Variants in GXYLT2 observed in about 807,000 individuals in gnomAD.
GXYLT2 encodes glucoside xylosyltransferase 2, also known as glycosyltransferase 8 domain containing 4.
GXYLT2 carries 53 observed loss-of-function variants against 45.8 expected under a neutral mutation model. The observed-to-expected ratio is 1.16, with a 90% CI of 0.93 to 1.46. The LOEUF is 1.46. GXYLT2 is among the 40% of genes most tolerant of loss of function. The pLI is 0.00. For missense variants in GXYLT2, 551 were observed against 544.4 expected, an observed-to-expected ratio of 1.01 and a Z score of -0.12; for synonymous variants, 219 against 214.2, an observed-to-expected ratio of 1.02 and a Z score of -0.19.
At chr3:72,894,685 C>G (rs578161593) in intron 1 of GXYLT2, among the ~76,000 whole-genome samples, 1 of 152,216 alleles carries the variant, frequency 6.6e-6, no homozygotes, top group Non-Finnish European at 1.5e-5. Context: ...CGTCCTGCCC[C>G]GTGGAACACG....
At chr3:72,894,188 A>G (rs757610011) in intron 1 of GXYLT2, among the ~76,000 whole-genome samples, 11 of 152,258 alleles carry the variant, frequency 7.2e-5, no homozygotes. Context: ...AAGAAAATAC[A>G]GGTCCTTGAG....
chr3:72,974,483 AAGTG>A (rs1242344125), intron 6 of GXYLT2, among the ~76,000 whole-genome samples: 2 of 152,230 alleles, frequency 1.3e-5, no homozygotes, highest in Non-Finnish European at 2.9e-5. Context: ...AGTAGATTTC[AAGTG>A]AGTATCTTGA....
intron 1 of GXYLT2, among the ~76,000 whole-genome samples, chr3:72,902,592 T>A (rs1709428782): frequency 6.6e-6 from 1 of 152,194 alleles, no homozygotes; most frequent in African/African-American, 2.4e-5. Flanking sequence ...ATCCCAATAC[T>A]TTGATAGGCC....
chr3:72,902,669 A>AAAAT (rs376401019), intron 1 of GXYLT2, among the ~76,000 whole-genome samples: 30 of 152,002 alleles, frequency 2.0e-4, no homozygotes, highest in South Asian at 4.1e-4. Context: ...CATCTCTACC[A>AAAAT]AAATAAATAA....
intron 5 of GXYLT2, among the ~76,000 whole-genome samples, chr3:72,965,808 G>A (rs1189366525): frequency 6.6e-6 from 1 of 152,132 alleles, no homozygotes; most frequent in East Asian, 1.9e-4. Flanking sequence ...GTAGGGAGGG[G>A]GCAAAATTGC....
chr3:72,927,547 T>C (rs2107108143), intron 3 of GXYLT2, among the ~76,000 whole-genome samples: 1 of 152,264 alleles, frequency 6.6e-6, no homozygotes, highest in South Asian at 2.1e-4. Context: ...ATAATTAAGG[T>C]CAGACCTCTA....
At chr3:72,891,421 A>G (rs1386365470) in intron 1 of GXYLT2, among the ~76,000 whole-genome samples, 1 of 152,190 alleles carries the variant, frequency 6.6e-6, no homozygotes, top group Non-Finnish European at 1.5e-5. Context: ...AGAAGTTTCC[A>G]AGGATTTGCC....
At position 72,976,264 on chromosome 3, in the gene GXYLT2, T is replaced by A. The variant is rs1179221816; in HGVS notation, c.*1105T>A. 6.6e-6 allele frequency: 1 copy of A among 152,164 alleles called. No homozygotes were observed. The highest frequency in any genetic ancestry group is 1.5e-5 in the Non-Finnish European group (1 of 68,022). The allele number at this position is 152,164 out of a possible 1,614,324, so 9.4% of individuals were successfully genotyped here. A position where few individuals can be genotyped will look rare whatever the true frequency, so the allele number is the denominator to read the frequency against. ...GAGTATTTCTAAAGAAAAAAATTAC[T>A]TTGATTTGTGGAGGACTAAATCATA... On this transcript the variant is annotated 3_prime_UTR_variant, in exon 7 of 7. Coordinates refer to ENST00000389617, the MANE Select transcript of GXYLT2 (RefSeq NM_001080393.2).
chr3:72,902,723 ATG>A (rs1272352011), intron 1 of GXYLT2, among the ~76,000 whole-genome samples: 957 of 81,872 alleles, frequency 0.012, 6 homozygotes, highest in Non-Finnish European at 0.019. Context: ...GCGGTGGCTC[ATG>A]CCTGTACTTC....
Position 72,955,406 on chromosome 3 carries a change from G to C in GXYLT2, c.852+57G>C, listed in dbSNP as rs1038668659. On this transcript the variant is annotated intron_variant, in intron 4 of 6. Transcript: ENST00000389617. ...AGACTGGGAGTTGGTCTTGTCAACAGTGGCACTACCAGAGTGTCAATATGC... is the reference window on the plus strand; with the variant it reads ...AGACTGGGAGTTGGTCTTGTCAACACTGGCACTACCAGAGTGTCAATATGC... 6 of 1,570,018 alleles carry C rather than the reference G, an allele frequency of 3.8e-6. No homozygotes were observed. The African/African-American group carries it at 5.4e-5, about 14-fold the overall frequency.
intron 5 of GXYLT2, among the ~76,000 whole-genome samples, chr3:72,963,003 G>T (rs138354190): frequency 6.6e-6 from 1 of 151,600 alleles, no homozygotes; most frequent in Non-Finnish European, 1.5e-5. Context: ...AACAGCCTCC[G>T]TTCTATTGAT....
intron 3 of GXYLT2, among the ~76,000 whole-genome samples, chr3:72,936,328 A>C (rs998934705): frequency 6.6e-6 from 1 of 151,096 alleles, no homozygotes. Flanking sequence ...AAAAGAAGAG[A>C]AAATCAGGAA....
intron 3 of GXYLT2, chr3:72,929,365 G>GA (rs35196603): frequency 1.2e-3 from 1,267 of 1,033,922 alleles, no homozygotes; most frequent in Non-Finnish European, 1.7e-3. Context: ...TACATTTGGG[G>GA]AAAAAAAAAT....
intron 2 of GXYLT2, among the ~76,000 whole-genome samples, chr3:72,921,421 C>G (rs1159357703): frequency 6.6e-6 from 1 of 151,816 alleles, no homozygotes; most frequent in Non-Finnish European, 1.5e-5. Flanking sequence ...TTTTCTTTTT[C>G]AATTTAATTT....
chr3:72,900,821 T>C (rs1266049407), intron 1 of GXYLT2, among the ~76,000 whole-genome samples: 1 of 139,112 alleles, frequency 7.2e-6, no homozygotes, highest in East Asian at 1.9e-4. Context: ...TTTATTTATT[T>C]AATAACTTTA....
chr3:72,934,278 G>A (rs1368650986), intron 3 of GXYLT2, among the ~76,000 whole-genome samples: 1 of 151,776 alleles, frequency 6.6e-6, no homozygotes, highest in Admixed American at 6.6e-5. Flanking sequence ...TAGAGATAGG[G>A]TCTTGCTGTA....
chr3:72,929,507 C>T, intron 3 of GXYLT2: 1 of 1,385,544 alleles, frequency 7.2e-7, no homozygotes, highest in Non-Finnish European at 1.0e-6. Context: ...GCCACGTGAC[C>T]AACTTGTGCA....
intron 3 of GXYLT2, among the ~76,000 whole-genome samples, chr3:72,925,498 C>T (rs142278230): frequency 1.3e-5 from 2 of 152,094 alleles, no homozygotes; most frequent in South Asian, 2.1e-4. Context: ...TATATATAAT[C>T]GCATAAAAAC....
chr3:72,895,110 C>CA (rs1207469310), intron 1 of GXYLT2, among the ~76,000 whole-genome samples: 1 of 152,226 alleles, frequency 6.6e-6, no homozygotes, highest in Non-Finnish European at 1.5e-5. Flanking sequence ...TGAAGCTTTA[C>CA]ATTATGCAAC....
Sources: allele counts gnomAD v4.1 joint callset (sites outside exome capture counted in the v4.1 genomes callset), GRCh38; gene constraint gnomAD v4.1.1; transcripts MANE v1.5; gene names NCBI Gene and HGNC (gene_info 2026-07-23, HGNC 2026-07-21).